The following ABTB3 variants were observed in gnomAD, a reference collection of about 807,000 sequenced individuals.
ABTB3 encodes the protein ankyrin repeat- and BTB/POZ domain-containing protein 3.
At chr12:107,398,521 T>C in the ABTB3 span, among the ~76,000 whole-genome samples, 6 of 152,370 alleles carry the variant, frequency 3.9e-5, no homozygotes, top group Admixed American at 3.3e-4. Flanking sequence ...ATTTTCATAT[T>C]GCTACATCCC....
chr12:107,429,915 C>T, the ABTB3 span, among the ~76,000 whole-genome samples: 1 of 152,200 alleles, frequency 6.6e-6, no homozygotes, highest in African/African-American at 2.4e-5. Flanking sequence ...CTCTTGTAAA[C>T]ATTGCATCAA....
the ABTB3 span, among the ~76,000 whole-genome samples, chr12:107,651,241 G>A: frequency 6.6e-6 from 1 of 152,216 alleles, no homozygotes; most frequent in African/African-American, 2.4e-5. Flanking sequence ...TCTGAGGAGT[G>A]AGACAGGGCA....
the ABTB3 span, among the ~76,000 whole-genome samples, chr12:107,501,334 G>A: frequency 6.6e-6 from 1 of 151,922 alleles, no homozygotes; most frequent in African/African-American, 2.4e-5. Flanking sequence ...CAGCTTGTTG[G>A]AGGAAGTGGC....
the ABTB3 span, among the ~76,000 whole-genome samples, chr12:107,535,814 A>G: frequency 6.6e-6 from 1 of 152,190 alleles, no homozygotes; most frequent in Non-Finnish European, 1.5e-5. Flanking sequence ...TTAATATTGG[A>G]AAATTACCAT....
the ABTB3 span, among the ~76,000 whole-genome samples, chr12:107,469,229 G>A: frequency 6.6e-6 from 1 of 152,330 alleles, no homozygotes; most frequent in African/African-American, 2.4e-5. Flanking sequence ...AGCAGAATGT[G>A]TGTTTCCTGT....
At chr12:107,508,576 T>G in the ABTB3 span, among the ~76,000 whole-genome samples, 1 of 149,518 alleles carries the variant, frequency 6.7e-6, no homozygotes, top group Non-Finnish European at 1.5e-5. Context: ...TGCCTCAGCC[T>G]CCTGAGTAGC....
chr12:107,511,133 C>A, the ABTB3 span, among the ~76,000 whole-genome samples: 1 of 152,118 alleles, frequency 6.6e-6, no homozygotes, highest in Non-Finnish European at 1.5e-5. Flanking sequence ...TCCCCGCCTT[C>A]CTACACACTA....
chr12:107,380,310 G>C, the ABTB3 span, among the ~76,000 whole-genome samples: 1 of 152,168 alleles, frequency 6.6e-6, no homozygotes, highest in African/African-American at 2.4e-5. Context: ...GCTGGGATTA[G>C]GGACGGAGTG....
the ABTB3 span, among the ~76,000 whole-genome samples, chr12:107,392,327 G>A: frequency 9.9e-5 from 15 of 152,240 alleles, no homozygotes; most frequent in African/African-American, 3.6e-4. Flanking sequence ...TCCTTCGCAG[G>A]GACCCTCTCT....
chr12:107,571,321 G>A, the ABTB3 span, among the ~76,000 whole-genome samples: 3 of 152,224 alleles, frequency 2.0e-5, no homozygotes, highest in South Asian at 4.1e-4. Context: ...AGCAAATGAT[G>A]AAGCCTGGGC....
chr12:107,320,297 G>A, the ABTB3 span, among the ~76,000 whole-genome samples: 1 of 152,366 alleles, frequency 6.6e-6, no homozygotes, highest in South Asian at 2.1e-4. Flanking sequence ...AGGTCCGGGA[G>A]CGCGAGGTTC....
the ABTB3 span, among the ~76,000 whole-genome samples, chr12:107,462,822 GTGA>G: frequency 1.3e-5 from 2 of 151,908 alleles, no homozygotes; most frequent in African/African-American, 2.4e-5. Flanking sequence ...TGTAGTGATA[GTGA>G]TGATGGTGGT....
At chr12:107,477,403 G>A in the ABTB3 span, among the ~76,000 whole-genome samples, 1 of 152,178 alleles carries the variant, frequency 6.6e-6, no homozygotes, top group Non-Finnish European at 1.5e-5. Context: ...CGCAGGCATT[G>A]GCGCTAAGAC....
At chr12:107,372,902 T>C in the ABTB3 span, among the ~76,000 whole-genome samples, 1 of 152,180 alleles carries the variant, frequency 6.6e-6, no homozygotes, top group Non-Finnish European at 1.5e-5. Context: ...TACATTGCTG[T>C]CTCCCCAGTG....
At chr12:107,429,457 G>A in the ABTB3 span, among the ~76,000 whole-genome samples, 1 of 152,212 alleles carries the variant, frequency 6.6e-6, no homozygotes, top group Non-Finnish European at 1.5e-5. Context: ...GGGAAATCGA[G>A]TGTGCAGTGA....
chr12:107,512,135 C>T, the ABTB3 span, among the ~76,000 whole-genome samples: 38 of 152,190 alleles, frequency 2.5e-4, no homozygotes, highest in East Asian at 5.2e-3. Context: ...TCCCCTAAAT[C>T]CCCCCAAAAA....
chr12:107,407,283 C>G, the ABTB3 span, among the ~76,000 whole-genome samples: 1 of 152,220 alleles, frequency 6.6e-6, no homozygotes, highest in African/African-American at 2.4e-5. Flanking sequence ...TGTTTCTCCT[C>G]TCCTGTATTT....
At chr12:107,531,486 G>A in the ABTB3 span, among the ~76,000 whole-genome samples, 7 of 152,136 alleles carry the variant, frequency 4.6e-5, no homozygotes, top group African/African-American at 1.2e-4. Context: ...GGATTAGCTC[G>A]AAGGCCAGTC....
the ABTB3 span, among the ~76,000 whole-genome samples, chr12:107,651,260 A>G: frequency 5.9e-5 from 9 of 152,326 alleles, no homozygotes; most frequent in South Asian, 1.9e-3. Context: ...CAAGGAGGAA[A>G]GGAGGACAGA....
Sources: gnomAD v4.1 joint callset for allele counts (sites outside exome capture counted in the v4.1 genomes callset) on GRCh38, gnomAD v4.1.1 for gene constraint, MANE v1.5 for transcripts, NCBI Gene and HGNC (gene_info 2026-07-23, HGNC 2026-07-21) for gene names.